ARL4A: variants seen among roughly 807,000 people sequenced by gnomAD.
ARL4A encodes the protein ADP-ribosylation factor-like protein 4A.
In ARL4A, 5 loss-of-function variants were observed where a neutral mutation model predicts 13.9. The ratio of observed to expected loss-of-function variants is 0.36; its 90% CI spans 0.19 to 0.75. The LOEUF (loss-of-function observed/expected upper bound fraction) is 0.75, where lower values mean the gene tolerates loss of function less well. Among genes scored for constraint, ARL4A ranks in the 30% least tolerant of loss-of-function variants. The probability of loss-of-function intolerance (pLI) is 0.53; values close to 1 mark genes in which losing one functional copy is unlikely to be tolerated. For missense variants in ARL4A, 147 were observed against 225.8 expected, an observed-to-expected ratio of 0.65 and a Z score of 2.24; for synonymous variants, 77 against 84.4, an observed-to-expected ratio of 0.91 and a Z score of 0.48.
At position 12,688,249 on chromosome 7, in the gene ARL4A, C is replaced by T. The variant is rs1169164980; in HGVS notation, c.-6C>T. 3 of 1,548,916 alleles carry T rather than the reference C, an allele frequency of 1.9e-6. No homozygotes were observed. The highest frequency in any genetic ancestry group is 2.6e-6 in the Non-Finnish European group (3 of 1,150,342). ...TTCAATTTGGGACATTTATTTGCACCTGGAAATGGGGAATGGGCTGTCAGA... is the reference window on the plus strand; with the variant it reads ...TTCAATTTGGGACATTTATTTGCACTTGGAAATGGGGAATGGGCTGTCAGA... On this transcript the variant is annotated 5_prime_UTR_variant, in exon 2 of 2. Coordinates refer to ENST00000651779, the MANE Select transcript of ARL4A (RefSeq NM_005738.5). The surrounding 1 kb of genome is among the most constrained non-coding windows in gnomAD (Gnocchi z 5.2).
Position 12,688,900 on chromosome 7 carries a change from G to T in ARL4A, c.*43G>T, listed in dbSNP as rs762452969. 2.0e-6 allele frequency: 3 copies of T among 1,534,252 alleles called. No homozygotes were observed. The highest frequency in any genetic ancestry group is 4.5e-5 in the East Asian group (2 of 44,332). On this transcript the variant is annotated 3_prime_UTR_variant, in exon 2 of 2. Coordinates refer to ENST00000651779, the MANE Select transcript of ARL4A (RefSeq NM_005738.5). This position sits in a 1 kb window ranked among gnomAD's most constrained non-coding sequence, Gnocchi z 5.2. ...ATCTGTGTGGAGTAGGTTTTCTCTG[G>T]TCTGATTTTGACAAATAGAAGAGTG...
chr7:12,688,717 G>A lies in ARL4A; in HGVS notation c.463G>A (p.Glu155Lys). The change falls in exon 2 of 2, where the codon GAA (glutamate) becomes AAA (lysine). Residue 155 changes from glutamate to lysine, a missense_variant. Physicochemically the swap from Glu to Lys is moderately conservative, Grantham distance 56. Transcript: ENST00000651779. The surrounding 1 kb of genome is among the most constrained non-coding windows in gnomAD (Gnocchi z 5.2). ...SEIEKLLAMGELSSSTPWHLQ... is the reference protein window; with the variant it reads ...SEIEKLLAMGKLSSSTPWHLQ... The stretch of plus-strand genomic sequence containing the variant: ...AATTGAGAAATTGTTAGCAATGGGT[G>A]AACTGAGCTCATCAACTCCTTGGCA... 6.2e-7 allele frequency: 1 copy of A among 1,613,982 alleles called. No homozygotes were observed. Among genetic ancestry groups the A allele is most frequent in the East Asian group, 2.2e-5 (1 of 44,878 alleles).
Position 12,688,266 on chromosome 7 carries a change from G to T in ARL4A, c.12G>T (p.Gly4=). Residue 4 remains glycine, a synonymous_variant, in exon 2 of 2, where the codon GGG becomes GGT. Coordinates refer to ENST00000651779, the MANE Select transcript of ARL4A (RefSeq NM_005738.5). The surrounding 1 kb of genome is among the most constrained non-coding windows in gnomAD (Gnocchi z 5.2). MGN[G]LSDQTSILSN... is the part of the protein sequence containing the mutation. ...ATTTGCACCTGGAAATGGGGAATGG[G>T]CTGTCAGACCAGACTTCTATCCTGT... 1 of 1,571,720 alleles carries T rather than the reference G, an allele frequency of 6.4e-7. No homozygotes were observed. Among genetic ancestry groups the T allele is most frequent in the Non-Finnish European group, 8.6e-7 (1 of 1,159,914 alleles).
Position 12,688,797 on chromosome 7 carries a change from A to C in ARL4A, c.543A>C (p.Lys181Asn). The C allele has an allele frequency of 6.2e-7, 1 of 1,611,834 alleles. No individual in the cohort carries two copies. Among genetic ancestry groups the C allele is most frequent in the Non-Finnish European group, 8.5e-7 (1 of 1,179,220 alleles). ...ATGGCCTAAAGGAAGGACTTGAGAA[A>C]CTACATGATATGATCATTAAAAGAA... ...IGDGLKEGLE[K>N]LHDMIIKRRK... The change falls in exon 2 of 2, where the codon AAA becomes AAC. Residue 181 changes from lysine to asparagine, a missense_variant. Transcript: ENST00000651779. This position sits in a 1 kb window ranked among gnomAD's most constrained non-coding sequence, Gnocchi z 5.2.
Position 12,688,347 on chromosome 7 carries a change from T to C in ARL4A, c.93T>C (p.Ala31=). 6.2e-7 allele frequency: 1 copy of C among 1,613,990 alleles called. No homozygotes were observed. Residue 31 remains alanine, a synonymous_variant, in exon 2 of 2, where the codon GCT becomes GCC. Coordinates refer to ENST00000651779, the MANE Select transcript of ARL4A (RefSeq NM_005738.5). This position sits in a 1 kb window ranked among gnomAD's most constrained non-coding sequence, Gnocchi z 5.2. ...TTGTTATTCTGGGTTTGGACTGTGC[T>C]GGAAAGACAACTGTCTTATACAGGC... is the stretch of plus-strand genomic sequence containing the variant. ...FHIVILGLDC[A]GKTTVLYRLQ... is the part of the protein sequence containing the mutation.
rs1161806856 is a variant in ARL4A, at chr7:12,689,661, A to G, written c.*804A>G. 6.0e-6 allele frequency: 1 copy of G among 166,772 alleles called. No homozygotes were observed. The highest frequency in any genetic ancestry group is 1.5e-5 in the Non-Finnish European group (1 of 68,100). 10.3% of individuals were successfully genotyped at this position (166,772 alleles called of 1,614,324 possible). On this transcript the variant is annotated 3_prime_UTR_variant, in exon 2 of 2. Coordinates refer to ENST00000651779, the MANE Select transcript of ARL4A (RefSeq NM_005738.5). ...AGCACTTTCACTTGAAGAACCTAAA[A>G]TGATTGACTCATTCATAGTAAATAT...
In ARL4A at chr7:12,687,904, A is replaced by C. The variant is rs1019659882; in HGVS notation, c.-90+176A>C. Among the ~76,000 whole-genome samples the C allele has an allele frequency of 6.6e-6, 1 of 152,210 alleles. No individual in the cohort carries two copies. Among genetic ancestry groups the C allele is most frequent in the Admixed American group, 6.5e-5 (1 of 15,284 alleles). ...TACTGGTGACTGGGTTCTTTCCAGA[A>C]TGAGGTCTTTGAGGTTTGGGGACCC... On this transcript the variant is annotated intron_variant, in intron 1 of 1. Coordinates refer to ENST00000651779, the MANE Select transcript of ARL4A (RefSeq NM_005738.5). The surrounding 1 kb of genome is among the most constrained non-coding windows in gnomAD (Gnocchi z 5.6).
In ARL4A at chr7:12,690,051, T is replaced by C. The variant is rs976145258; in HGVS notation, c.*1194T>C. On this transcript the variant is annotated 3_prime_UTR_variant, in exon 2 of 2. Coordinates refer to ENST00000651779, the MANE Select transcript of ARL4A (RefSeq NM_005738.5). ...GTATGGCAGATAAGAATTACAATTA[T>C]AGAAAATGAGGGGAAAATAACAAAC... 1.2e-5 allele frequency: 2 copies of C among 167,034 alleles called. No individual in the cohort carries two copies. The highest frequency in any genetic ancestry group is 2.9e-5 in the Non-Finnish European group (2 of 68,110). 10.3% of individuals were successfully genotyped at this position (167,034 alleles called of 1,614,324 possible).
In ARL4A at chr7:12,688,037, T is replaced by C. The variant is rs780703393; in HGVS notation, c.-89-129T>C. ...TGTGTGTTTTCATGTACGTTTCATA[T>C]CTCGTCTGGTTTGTTTAGCGCAGCA... On this transcript the variant is annotated intron_variant, in intron 1 of 1. Coordinates refer to ENST00000651779, the MANE Select transcript of ARL4A (RefSeq NM_005738.5). This position sits in a 1 kb window ranked among gnomAD's most constrained non-coding sequence, Gnocchi z 5.2. 5 of 536,080 alleles carry C rather than the reference T, an allele frequency of 9.3e-6. No homozygotes were observed. The highest frequency in any genetic ancestry group is 1.9e-5 in the African/African-American group (1 of 52,612). The allele number at this position is 536,080 out of a possible 1,614,324, so 33.2% of individuals were successfully genotyped here. A position where few individuals can be genotyped will look rare whatever the true frequency, so the allele number is the denominator to read the frequency against.
Position 12,690,158 on chromosome 7 carries a change from T to C in ARL4A, c.*1301T>C, listed in dbSNP as rs772407322. Reference sequence around the variant, plus strand: ...AGGAAAGGCCTTTATCTAATTCTTATCTACAGACACTTACTTCCAGTGACC... The same window carrying C: ...AGGAAAGGCCTTTATCTAATTCTTACCTACAGACACTTACTTCCAGTGACC... On this transcript the variant is annotated 3_prime_UTR_variant, in exon 2 of 2. Transcript: ENST00000651779. The C allele has an allele frequency of 3.6e-5, 6 of 167,038 alleles. No homozygotes were observed. The highest frequency in any genetic ancestry group is 8.8e-5 in the Non-Finnish European group (6 of 68,106). 10.3% of individuals were successfully genotyped at this position (167,038 alleles called of 1,614,324 possible).
rs1436958184 is a variant in ARL4A, at chr7:12,688,661, A to G, written c.407A>G (p.Gln136Arg). The change falls in exon 2 of 2, where the codon CAA (glutamine) becomes CGA (arginine). Residue 136 changes from glutamine to arginine, a missense_variant. Transcript: ENST00000651779. The surrounding 1 kb of genome is among the most constrained non-coding windows in gnomAD (Gnocchi z 5.2). ...GVPVLIVANKQDLRNSLSLSE... is the reference protein window; with the variant it reads ...GVPVLIVANKRDLRNSLSLSE... ...CCTGTACTTATAGTTGCTAACAAAC[A>G]AGATTTGAGGAACTCATTGTCACTT... The G allele has an allele frequency of 1.2e-6, 2 of 1,613,872 alleles. No individual in the cohort carries two copies. Among genetic ancestry groups the G allele is most frequent in the African/African-American group, 1.3e-5 (1 of 74,918 alleles).
At position 12,688,574 on chromosome 7, in the gene ARL4A, G is replaced by C; in HGVS notation, c.320G>C (p.Arg107Thr). ...GTTGTGGACTCTGTTGATGTCGAAA[G>C]GATGGAAGAAGCCAAAACTGAACTT... ...VFVVDSVDVE[R>T]MEEAKTELHK... The change falls in exon 2 of 2, where the codon AGG becomes ACG. Residue 107 changes from arginine to threonine, a missense_variant. By Grantham distance (71) the Arg-to-Thr change is moderately conservative. Transcript: ENST00000651779. This position sits in a 1 kb window ranked among gnomAD's most constrained non-coding sequence, Gnocchi z 5.2. 1 of 1,612,140 alleles carries C rather than the reference G, an allele frequency of 6.2e-7. No homozygotes were observed. The highest frequency in any genetic ancestry group is 8.5e-7 in the Non-Finnish European group (1 of 1,179,842).
rs911083772 is a variant in ARL4A, at chr7:12,689,206, C to CG, written c.*355dup. On this transcript the variant is annotated 3_prime_UTR_variant, in exon 2 of 2. Transcript: ENST00000651779. The stretch of plus-strand genomic sequence containing the variant: ...CCTAGTGTTTTGTGCTTACATCTTT[C>CG]GGGGGGAAGCCTTTGCAAGAAAATT... 5.3e-5 allele frequency: 11 copies of CG among 208,484 alleles called. No homozygotes were observed. Among genetic ancestry groups the CG allele is most frequent in the Non-Finnish European group, 9.6e-5 (9 of 93,994 alleles). 12.9% of individuals were successfully genotyped at this position (208,484 alleles called of 1,614,324 possible).
In ARL4A at chr7:12,688,446, A is replaced by G; in HGVS notation, c.192A>G (p.Gly64=). Residue 64 remains glycine (G), a synonymous_variant, in exon 2 of 2, where the codon GGA becomes GGG. Transcript: ENST00000651779. This position sits in a 1 kb window ranked among gnomAD's most constrained non-coding sequence, Gnocchi z 5.2. ...FNTEKIKVTL[G]NSKTVTFHFW... is the part of the protein sequence containing the mutation. ...CTGAGAAAATTAAGGTAACCTTGGGAAATTCTAAAACAGTCACTTTTCACT... is the reference window on the plus strand; with the variant it reads ...CTGAGAAAATTAAGGTAACCTTGGGGAATTCTAAAACAGTCACTTTTCACT... 6.2e-7 allele frequency: 1 copy of G among 1,613,126 alleles called. No homozygotes were observed.
chr7:12,690,625 G>GTTT lies in ARL4A; in HGVS notation c.*1779_*1781dup, dbSNP rs35820745. 2.8e-4 allele frequency: 42 copies of GTTT among 148,524 alleles called. No individual in the cohort carries two copies. Among genetic ancestry groups the GTTT allele is most frequent in the East Asian group, 4.0e-4 (2 of 4,950 alleles). The allele number at this position is 148,524 out of a possible 1,614,324, so 9.2% of individuals were successfully genotyped here. A position where few individuals can be genotyped will look rare whatever the true frequency, so the allele number is the denominator to read the frequency against. ...TTAGATGTGACAGGCATTGAAGGCT[G>GTTT]TTTTTTTTTTTTTCTCCCTTCACTG... On this transcript the variant is annotated 3_prime_UTR_variant, in exon 2 of 2. Coordinates refer to ENST00000651779, the MANE Select transcript of ARL4A (RefSeq NM_005738.5).
chr7:12,689,210 GGGAAGC>G lies in ARL4A; in HGVS notation c.*354_*359del, dbSNP rs1562655170. Reference sequence around the variant, plus strand: ...GTGTTTTGTGCTTACATCTTTCGGGGGGAAGCCTTTGCAAGAAAATTGCATACAAGG... The same window carrying G: ...GTGTTTTGTGCTTACATCTTTCGGGGCTTTGCAAGAAAATTGCATACAAGG... On this transcript the variant is annotated 3_prime_UTR_variant, in exon 2 of 2. Coordinates refer to ENST00000651779, the MANE Select transcript of ARL4A (RefSeq NM_005738.5). 1.4e-5 allele frequency: 3 copies of G among 211,338 alleles called. No homozygotes were observed. Among genetic ancestry groups the G allele is most frequent in the South Asian group, 2.1e-4 (2 of 9,334 alleles). 13.1% of individuals were successfully genotyped at this position (211,338 alleles called of 1,614,324 possible). A position where few individuals can be genotyped will look rare whatever the true frequency, so the allele number is the denominator to read the frequency against.
Position 12,688,964 on chromosome 7 carries a change from A to G in ARL4A, c.*107A>G, listed in dbSNP as rs1300053318. ...TTGCCTGTCTGCCCTCCTGGATGCTATTAAAGCTTTGTTTTGTTGAACAAT... is the reference window on the plus strand; with the variant it reads ...TTGCCTGTCTGCCCTCCTGGATGCTGTTAAAGCTTTGTTTTGTTGAACAAT... On this transcript the variant is annotated 3_prime_UTR_variant, in exon 2 of 2. Coordinates refer to ENST00000651779, the MANE Select transcript of ARL4A (RefSeq NM_005738.5). The surrounding 1 kb of genome is among the most constrained non-coding windows in gnomAD (Gnocchi z 5.2). 10 of 1,164,964 alleles carry G rather than the reference A, an allele frequency of 8.6e-6. No individual in the cohort carries two copies. Among genetic ancestry groups the G allele is most frequent in the Non-Finnish European group, 1.2e-5 (10 of 819,938 alleles). 72.2% of individuals were successfully genotyped at this position (1,164,964 alleles called of 1,614,324 possible).
In ARL4A at chr7:12,689,723, T is replaced by C. The variant is rs988081396; in HGVS notation, c.*866T>C. ...CTAATAAATATGCACTGGATACATATATGGATTTATGAAGAAGGCGATTTA... is the reference window on the plus strand; with the variant it reads ...CTAATAAATATGCACTGGATACATACATGGATTTATGAAGAAGGCGATTTA... On this transcript the variant is annotated 3_prime_UTR_variant, in exon 2 of 2. Coordinates refer to ENST00000651779, the MANE Select transcript of ARL4A (RefSeq NM_005738.5). 5.4e-5 allele frequency: 9 copies of C among 166,934 alleles called. No individual in the cohort carries two copies. The Admixed American group carries it at 5.9e-4, about 11-fold the overall frequency. 10.3% of individuals were successfully genotyped at this position (166,934 alleles called of 1,614,324 possible). A position where few individuals can be genotyped will look rare whatever the true frequency, so the allele number is the denominator to read the frequency against.
rs1333700911 is a variant in ARL4A, at chr7:12,688,038, C to G, written c.-89-128C>G. On this transcript the variant is annotated intron_variant, in intron 1 of 1. Coordinates refer to ENST00000651779, the MANE Select transcript of ARL4A (RefSeq NM_005738.5). The surrounding 1 kb of genome is among the most constrained non-coding windows in gnomAD (Gnocchi z 5.2). ...GTGTGTTTTCATGTACGTTTCATAT[C>G]TCGTCTGGTTTGTTTAGCGCAGCAA... The G allele has an allele frequency of 1.9e-6, 1 of 536,000 alleles. No individual in the cohort carries two copies. Among genetic ancestry groups the G allele is most frequent in the East Asian group, 3.1e-5 (1 of 31,840 alleles). 33.2% of individuals were successfully genotyped at this position (536,000 alleles called of 1,614,324 possible).
Sources: gnomAD v4.1 joint callset for allele counts (sites outside exome capture counted in the v4.1 genomes callset) on GRCh38, gnomAD v4.1.1 for gene constraint, Gnocchi (gnomAD v3.1) non-coding constraint, MANE v1.5 for transcripts, NCBI Gene and HGNC (gene_info 2026-07-23, HGNC 2026-07-21) for gene names.